RYK: variants seen among roughly 807,000 people sequenced by gnomAD.
RYK encodes receptor like tyrosine kinase, also known as inactive tyrosine-protein kinase RYK.
Under a neutral mutation model 70.2 loss-of-function variants are expected in RYK, and 21 were observed. The observed-to-expected ratio is 0.30, with a 90% CI of 0.21 to 0.43. The LOEUF is 0.43. Ranked by LOEUF, RYK falls within the 20% of genes least tolerant of loss-of-function variation. The probability of loss-of-function intolerance (pLI) is 1.00; values close to 1 mark genes in which losing one functional copy is unlikely to be tolerated. For synonymous variants in RYK, 267 were observed against 278.0 expected, an observed-to-expected ratio of 0.96 and a Z score of 0.39; for missense variants, 604 against 753.3, an observed-to-expected ratio of 0.80 and a Z score of 2.32.
At chr3:134,236,054 GA>G (rs544972657) in intron 1 of RYK, among the ~76,000 whole-genome samples, 4 of 147,824 alleles carry the variant, frequency 2.7e-5, no homozygotes, top group East Asian at 2.0e-4. Flanking sequence ...ATGGTCAAAG[GA>G]AAAAAAAAAT....
At chr3:134,224,386 GAGAGATCAA>G (rs898358737) in intron 1 of RYK, among the ~76,000 whole-genome samples, 8 of 152,198 alleles carry the variant, frequency 5.3e-5, no homozygotes, top group Non-Finnish European at 1.2e-4. Flanking sequence ...GCATTTCTCG[GAGAGATCAA>G]AGATTTTAAT....
In RYK at chr3:134,188,844, T is replaced by C; in HGVS notation, c.1095A>G (p.Thr365=). 6.4e-7 allele frequency: 1 copy of C among 1,552,138 alleles called. No individual in the cohort carries two copies. Among genetic ancestry groups the C allele is most frequent in the Non-Finnish European group, 8.8e-7 (1 of 1,130,522 alleles). Residue 365 remains threonine (T), a synonymous_variant, in exon 9 of 15, where the codon ACA becomes ACG. Coordinates refer to ENST00000623711, the MANE Select transcript of RYK (RefSeq NM_002958.4). ...PNKEKQAFVK[T]VKDQASEIQV... is the part of the protein sequence containing the mutation. Reference sequence around the variant, plus strand: ...ATGGAAAAAAGATCCTACCTTTAACTGTTTTGACAAATGCTTGTTTTTCTT... The same window carrying C: ...ATGGAAAAAAGATCCTACCTTTAACCGTTTTGACAAATGCTTGTTTTTCTT...
At chr3:134,227,312 T>A (rs2014937687) in intron 1 of RYK, among the ~76,000 whole-genome samples, 1 of 152,186 alleles carries the variant, frequency 6.6e-6, no homozygotes, top group Non-Finnish European at 1.5e-5. Context: ...ACCATTCTCC[T>A]TAGATAAGCC....
chr3:134,179,145 T>C (rs893199126), intron 10 of RYK: 4 of 152,152 alleles, frequency 2.6e-5, no homozygotes, highest in Admixed American at 2.0e-4. Context: ...AAAATTCCCA[T>C]TTGCAAGATA....
chr3:134,202,713 C>T lies in RYK; in HGVS notation c.788+17G>A, dbSNP rs538722073. On this transcript the variant is annotated intron_variant, in intron 6 of 14. Transcript: ENST00000623711. ...AACTGCTTTCATTTTTTTTCTTTCC[C>T]AAAATATGTACAATACCTGTCATCC... is the stretch of plus-strand genomic sequence containing the variant. The T allele has an allele frequency of 1.9e-6, 3 of 1,603,518 alleles. No individual in the cohort carries two copies. The highest frequency in any genetic ancestry group is 2.5e-6 in the Non-Finnish European group (3 of 1,177,152).
intron 10 of RYK, chr3:134,181,456 C>T (rs1332569743): frequency 2.6e-5 from 4 of 152,174 alleles, no homozygotes; most frequent in Non-Finnish European, 5.9e-5. Context: ...TGCCAAAAAA[C>T]TCAGTTTCTT....
At chr3:134,248,439 G>A (rs566454373) in intron 1 of RYK, among the ~76,000 whole-genome samples, 3 of 152,128 alleles carry the variant, frequency 2.0e-5, no homozygotes, top group African/African-American at 7.2e-5. Flanking sequence ...TTTCCACCAT[G>A]ACATAATCAA....
rs140845455 is a variant in RYK, at chr3:134,221,371, A to C, written c.354+1047T>G. Among the ~76,000 whole-genome samples the C allele has an allele frequency of 1.6e-3, 249 of 151,286 alleles. 3 individuals carry two copies. Among genetic ancestry groups the C allele is most frequent in the African/African-American group, 5.8e-3 (239 of 41,246 alleles). On this transcript the variant is annotated intron_variant, in intron 2 of 14. Coordinates refer to ENST00000623711, the MANE Select transcript of RYK (RefSeq NM_002958.4). ...AGGTGTGTGCCACCACACCTCGCTAATTTTCGTATTTTTAGTAGAGATGGG... is the reference window on the plus strand; with the variant it reads ...AGGTGTGTGCCACCACACCTCGCTACTTTTCGTATTTTTAGTAGAGATGGG...
rs145776528 is a variant in RYK, at chr3:134,226,410, CA to C, written c.233-3872del. Among the ~76,000 whole-genome samples, 793 of 152,178 alleles carry C rather than the reference CA, an allele frequency of 5.2e-3. 6 individuals carry two copies. Among genetic ancestry groups the C allele is most frequent in the Non-Finnish European group, 8.9e-3 (603 of 67,968 alleles). Reference sequence around the variant, plus strand: ...AAATGGCTTCATTAGTGAATTCTATCAAACATTTAGGGAAGACACAACACCA... The same window carrying C: ...AAATGGCTTCATTAGTGAATTCTATCAACATTTAGGGAAGACACAACACCA... On this transcript the variant is annotated intron_variant, in intron 1 of 14. Transcript: ENST00000623711.
intron 10 of RYK, chr3:134,179,409 G>C (rs2013215976): frequency 6.6e-6 from 1 of 152,204 alleles, no homozygotes; most frequent in Non-Finnish European, 1.5e-5. Flanking sequence ...CACTGACCCT[G>C]AGGAGGTGGG....
chr3:134,226,783 AC>A (rs2014922470), intron 1 of RYK, among the ~76,000 whole-genome samples: 1 of 152,218 alleles, frequency 6.6e-6, no homozygotes, highest in South Asian at 2.1e-4. Flanking sequence ...AAAACTGTCA[AC>A]AAACTAGGAA....
At chr3:134,159,639 T>C (rs1396620922) in intron 13 of RYK, among the ~76,000 whole-genome samples, 6 of 152,254 alleles carry the variant, frequency 3.9e-5, no homozygotes, top group Non-Finnish European at 8.8e-5. Flanking sequence ...CTACGTATTA[T>C]GAATTATGTC....
intron 3 of RYK, 123 bp from the exon 4 acceptor site, chr3:134,209,952 C>A: frequency 2.6e-6 from 2 of 764,298 alleles, no homozygotes; most frequent in South Asian, 2.1e-5. Flanking sequence ...AAAAGTAATA[C>A]ATTTAAATAA....
In RYK at chr3:134,238,857, T is replaced by C. The variant is rs75072514; in HGVS notation, c.232+11566A>G. Among the ~76,000 whole-genome samples the C allele has an allele frequency of 3.2e-3, 490 of 152,344 alleles. 2 individuals are homozygous for C. The highest frequency in any genetic ancestry group is 0.011 in the African/African-American group (456 of 41,584). ...ATAGACTGGATAGGACAGCAGGTTA[T>C]GCATTTTGGGGAAAAAAAATTAGAA... On this transcript the variant is annotated intron_variant, in intron 1 of 14. Transcript: ENST00000623711.
chr3:134,189,427 T>C (rs1446494833), intron 8 of RYK, among the ~76,000 whole-genome samples: 3 of 152,130 alleles, frequency 2.0e-5, no homozygotes, highest in Non-Finnish European at 4.4e-5. Context: ...ACAAGCCAAT[T>C]AGACTCTCGG....
chr3:134,204,391 C>T (rs1035475048), intron 5 of RYK, among the ~76,000 whole-genome samples: 4 of 151,440 alleles, frequency 2.6e-5, no homozygotes, highest in African/African-American at 7.3e-5. Context: ...CCCAGCTACT[C>T]GAGAGGCTGA....
intron 14 of RYK, 27 bp downstream of exon 14, chr3:134,159,210 C>A: frequency 6.2e-7 from 1 of 1,612,000 alleles, no homozygotes; most frequent in South Asian, 1.1e-5. Flanking sequence ...GAATAAAACT[C>A]ATGCCTTCAA....
chr3:134,205,289 AC>A (rs2014182487), intron 5 of RYK, among the ~76,000 whole-genome samples: 3 of 152,212 alleles, frequency 2.0e-5, no homozygotes, highest in Non-Finnish European at 4.4e-5. Flanking sequence ...GATAAAACTT[AC>A]AGCTTTCAAA....
chr3:134,218,683 A>C (rs765008805), intron 2 of RYK, among the ~76,000 whole-genome samples: 1 of 152,200 alleles, frequency 6.6e-6, no homozygotes, highest in Non-Finnish European at 1.5e-5. Flanking sequence ...CCAGATCATA[A>C]AGGCCTCCTA....
Sources: allele counts gnomAD v4.1 joint callset (sites outside exome capture counted in the v4.1 genomes callset), GRCh38; gene constraint gnomAD v4.1.1; transcripts MANE v1.5; gene names NCBI Gene and HGNC (gene_info 2026-07-23, HGNC 2026-07-21).